The following LMBR1 variants were observed in gnomAD, a reference collection of about 807,000 sequenced individuals.
The protein encoded by LMBR1 is limb development membrane protein 1, also known as limb region 1 protein homolog.
In LMBR1, 52 loss-of-function variants were observed where a neutral mutation model predicts 73.9. The ratio of observed to expected loss-of-function variants is 0.70; its 90% CI spans 0.56 to 0.89. The LOEUF (loss-of-function observed/expected upper bound fraction) is 0.89. Ranked by LOEUF, LMBR1 falls within the 40% of genes least tolerant of loss-of-function variation. LMBR1 has a pLI of 0.00. For missense variants in LMBR1, 539 were observed against 579.8 expected, an observed-to-expected ratio of 0.93 and a Z score of 0.72; for synonymous variants, 215 against 209.4, an observed-to-expected ratio of 1.03 and a Z score of -0.23.
chr7:156,893,095 C>T lies in LMBR1; in HGVS notation c.-102G>A. 2 of 1,184,278 alleles carry T rather than the reference C, an allele frequency of 1.7e-6. No homozygotes were observed. Among genetic ancestry groups the T allele is most frequent in the Non-Finnish European group, 1.1e-6 (1 of 923,444 alleles). 73.4% of individuals were successfully genotyped at this position (1,184,278 alleles called of 1,614,324 possible). A position where few individuals can be genotyped will look rare whatever the true frequency, so the allele number is the denominator to read the frequency against. ...GGACAGCCGCGCCGGGGACCGGAGC[C>T]GGCACGGGCCCGCGAGCCGTGTTGG... On this transcript the variant is annotated 5_prime_UTR_variant, in exon 1 of 17. Coordinates refer to ENST00000353442, the MANE Select transcript of LMBR1 (RefSeq NM_022458.4).
At chr7:156,693,645 T>C (rs537547238) in intron 15 of LMBR1, among the ~76,000 whole-genome samples, 1 of 152,170 alleles carries the variant, frequency 6.6e-6, no homozygotes, top group South Asian at 2.1e-4. Flanking sequence ...GAATCACTAA[T>C]CAAAACTTTC....
At chr7:156,687,280 T>C (rs1324339220) in intron 16 of LMBR1, among the ~76,000 whole-genome samples, 2 of 152,152 alleles carry the variant, frequency 1.3e-5, no homozygotes, top group African/African-American at 4.8e-5. Context: ...TTTTTAAAAA[T>C]TTTCTACAAG....
At chr7:156,726,825 G>A (rs12697994) in intron 12 of LMBR1, among the ~76,000 whole-genome samples, 42,827 of 151,346 alleles carry the variant, frequency 0.28, 6,180 homozygotes, top group Middle Eastern at 0.4. Context: ...GGTGCCCCCC[G>A]CAACCCACCC....
chr7:156,701,083 T>C (rs959133186), intron 15 of LMBR1, among the ~76,000 whole-genome samples: 4 of 152,052 alleles, frequency 2.6e-5, no homozygotes, highest in African/African-American at 9.7e-5. Context: ...CATGATTCAA[T>C]TACCTCCCAC....
chr7:156,730,798 A>G (rs1816695647), intron 10 of LMBR1, among the ~76,000 whole-genome samples: 1 of 151,544 alleles, frequency 6.6e-6, no homozygotes, highest in African/African-American at 2.4e-5. Context: ...TTAGCCAGGC[A>G]TGGTGGCATG....
In LMBR1 at chr7:156,804,608, T is replaced by C. The variant is rs183813698; in HGVS notation, c.320-8116A>G. Among the ~76,000 whole-genome samples, 436 of 152,364 alleles carry C rather than the reference T, an allele frequency of 2.9e-3. 1 individual carries two copies. Among genetic ancestry groups the C allele is most frequent in the Non-Finnish European group, 4.6e-3 (316 of 68,032 alleles). On this transcript the variant is annotated intron_variant, in intron 4 of 16. Transcript: ENST00000353442. ...CCCATTTATCTAATAAATAATGATG[T>C]GAACATCTGTTCATGAGCTTATTTG...
At chr7:156,892,881 C>T in intron 1 of LMBR1, 47 bp downstream of exon 1, 1 of 1,374,704 alleles carries the variant, frequency 7.3e-7, no homozygotes, top group Non-Finnish European at 9.5e-7. Flanking sequence ...GACGGAGGGC[C>T]CGGGCGGGCA....
chr7:156,733,269 A>C (rs557860034), intron 10 of LMBR1, among the ~76,000 whole-genome samples: 8 of 152,360 alleles, frequency 5.3e-5, no homozygotes, highest in African/African-American at 1.4e-4. Flanking sequence ...CCAGGCATGC[A>C]AAGAAGCACG....
chr7:156,787,436 G>A (rs1215219242), intron 5 of LMBR1, among the ~76,000 whole-genome samples: 1 of 152,006 alleles, frequency 6.6e-6, no homozygotes, highest in African/African-American at 2.4e-5. Context: ...TTTTACAATA[G>A]GATGTGCTGT....
rs758687820 is a variant in LMBR1, at chr7:156,670,164, G to A, written n.867-877C>T. Among the ~76,000 whole-genome samples the A allele has an allele frequency of 2.6e-5, 4 of 152,172 alleles. No homozygotes were observed. Among genetic ancestry groups the A allele is most frequent in the Non-Finnish European group, 5.9e-5 (4 of 68,034 alleles). ...AAATATTAGAGCATTTAAGTCATAC[G>A]TGGAATCACCAAAAGCACACAATTC... On this transcript the variant is annotated intron_variant and non_coding_transcript_variant, in intron 4 of 4. Transcript: ENST00000430825. This position sits in a 1 kb window ranked among gnomAD's most constrained non-coding sequence, Gnocchi z 4.3.
intron 16 of LMBR1, among the ~76,000 whole-genome samples, chr7:156,684,510 T>G (rs886199343): frequency 1.3e-5 from 2 of 152,182 alleles, no homozygotes; most frequent in African/African-American, 4.8e-5. Context: ...TGTGACTGCA[T>G]CACGGCACAG....
At chr7:156,751,511 G>A (rs972058167) in intron 9 of LMBR1, among the ~76,000 whole-genome samples, 1 of 152,192 alleles carries the variant, frequency 6.6e-6, no homozygotes, top group African/African-American at 2.4e-5. Context: ...AGGACTTGGA[G>A]CAAATAAGTG....
intron 15 of LMBR1, among the ~76,000 whole-genome samples, chr7:156,693,894 A>G (rs748753382): frequency 3.3e-5 from 5 of 152,206 alleles, no homozygotes; most frequent in African/African-American, 4.8e-5. Context: ...ACTCCTCAAT[A>G]CAATGCTAGC....
intron 1 of LMBR1, among the ~76,000 whole-genome samples, chr7:156,860,974 T>C (rs1287542023): frequency 6.6e-6 from 1 of 152,244 alleles, no homozygotes; most frequent in Non-Finnish European, 1.5e-5. Context: ...TTCAGGCGCA[T>C]GGTGCAAGCT....
At chr7:156,842,781 G>C (rs1838947281) in intron 1 of LMBR1, among the ~76,000 whole-genome samples, 1 of 152,146 alleles carries the variant, frequency 6.6e-6, no homozygotes, top group African/African-American at 2.4e-5. Context: ...AAAACCCTCA[G>C]CAGTGCTGGC....
chr7:156,676,676 A>G (rs1585145407), downstream of LMBR1: 1 of 1,593,308 alleles, frequency 6.3e-7, no homozygotes, highest in Middle Eastern at 1.7e-4. Context: ...AAGGAAAGTT[A>G]GGTAATTCTG....
intron 8 of LMBR1, 67 bp downstream of exon 8, chr7:156,762,067 T>C: frequency 1.2e-6 from 1 of 862,636 alleles, no homozygotes; most frequent in Non-Finnish European, 1.9e-6. Context: ...TAGCTCACAA[T>C]ATCAAAGACA....
intron 15 of LMBR1, among the ~76,000 whole-genome samples, chr7:156,721,975 A>G (rs990521844): frequency 2.0e-5 from 3 of 151,658 alleles, no homozygotes; most frequent in African/African-American, 7.3e-5. Context: ...AAAAAGAAAC[A>G]TGTCCATTGA....
At chr7:156,711,359 C>G (rs1346785930) in intron 15 of LMBR1, among the ~76,000 whole-genome samples, 3 of 152,102 alleles carry the variant, frequency 2.0e-5, no homozygotes, top group African/African-American at 7.2e-5. Context: ...GTGGATAACA[C>G]AAACAAATGG....
Sources: gnomAD v4.1 joint callset for allele counts (sites outside exome capture counted in the v4.1 genomes callset) on GRCh38, gnomAD v4.1.1 for gene constraint, Gnocchi (gnomAD v3.1) non-coding constraint, MANE v1.5 for transcripts, NCBI Gene and HGNC (gene_info 2026-07-23, HGNC 2026-07-21) for gene names.